C2orf80: variants seen among roughly 807,000 people sequenced by gnomAD.
C2orf80 encodes uncharacterized protein C2orf80.
In C2orf80, 28 loss-of-function variants were observed where a neutral mutation model predicts 30.2. The observed-to-expected ratio is 0.93, with a 90% CI of 0.69 to 1.27. The LOEUF (loss-of-function observed/expected upper bound fraction) is 1.27. Among genes scored for constraint, C2orf80 ranks in the 50% most tolerant of loss-of-function variants. The probability of loss-of-function intolerance (pLI) is 0.00; values close to 1 mark genes in which losing one functional copy is unlikely to be tolerated. For missense variants in C2orf80, 220 were observed against 231.0 expected (o/e 0.95, Z 0.31); for synonymous variants, 80 against 76.4 (o/e 1.05, Z -0.24).
chr2:208,173,722 A>G (rs985121408), intron 6 of C2orf80, among the ~76,000 whole-genome samples: 2 of 152,190 alleles, frequency 1.3e-5, no homozygotes, highest in Non-Finnish European at 2.9e-5. Context: ...AACTATAAAG[A>G]AGTAAAAGAT....
chr2:208,174,763 A>G (rs1260610524), intron 6 of C2orf80, among the ~76,000 whole-genome samples: 1 of 152,214 alleles, frequency 6.6e-6, no homozygotes, highest in Non-Finnish European at 1.5e-5. Context: ...ATGGACTCGA[A>G]TGATAGCCAG....
Position 208,183,066 on chromosome 2 carries a change from G to C in C2orf80, c.124-19C>G. On this transcript the variant is annotated intron_variant, in intron 3 of 8. Coordinates refer to ENST00000341287, the MANE Select transcript of C2orf80 (RefSeq NM_001099334.3). Reference sequence around the variant, plus strand: ...AGTGTGCCTGGGAGCAGGAAGCACAGAGAGCAAAGAAACAGGCTTAGACAT... The same window carrying C: ...AGTGTGCCTGGGAGCAGGAAGCACACAGAGCAAAGAAACAGGCTTAGACAT... 6.2e-7 allele frequency: 1 copy of C among 1,608,762 alleles called. No homozygotes were observed. Among genetic ancestry groups the C allele is most frequent in the Non-Finnish European group, 8.5e-7 (1 of 1,175,046 alleles).
In C2orf80 at chr2:208,180,787, T is replaced by A; in HGVS notation, c.324A>T (p.Lys108Asn). The A allele has an allele frequency of 6.2e-7, 1 of 1,613,692 alleles. No individual in the cohort carries two copies. Among genetic ancestry groups the A allele is most frequent in the South Asian group, 1.1e-5 (1 of 91,042 alleles). Residue 108 changes from lysine (K) to asparagine (N), a missense_variant, in exon 6 of 9, where the codon AAA (lysine) becomes AAT (asparagine). Physicochemically the swap from Lys to Asn is moderately conservative, Grantham distance 94. Coordinates refer to ENST00000341287, the MANE Select transcript of C2orf80 (RefSeq NM_001099334.3). ...MNSIPIEEVF[K>N]IYGADSSADS... The stretch of plus-strand genomic sequence containing the variant: ...CGGCAGAAGAATCAGCCCCATAAAT[T>A]TTAAAGACTTCCTCAATCGGGATAC...
At chr2:208,182,919 A>G in intron 4 of C2orf80, 46 bp downstream of exon 4, 3 of 1,433,186 alleles carry the variant, frequency 2.1e-6, no homozygotes, top group Non-Finnish European at 2.0e-6. Flanking sequence ...ATCATTAATC[A>G]TAGGCACAAA....
chr2:208,169,866 C>G (rs1696038528), intron 8 of C2orf80, among the ~76,000 whole-genome samples: 1 of 151,900 alleles, frequency 6.6e-6, no homozygotes, highest in African/African-American at 2.4e-5. Flanking sequence ...TTATTAAAAC[C>G]CTGATATGAC....
At chr2:208,176,941 C>CTATATACATA (rs1696341567) in intron 6 of C2orf80, among the ~76,000 whole-genome samples, 2 of 30,220 alleles carry the variant, frequency 6.6e-5, no homozygotes, top group Non-Finnish European at 1.1e-4. Flanking sequence ...GTATACATAT[C>CTATATACATA]TGTATACATA....
chr2:208,185,225 C>T (rs1696683767), intron 2 of C2orf80, among the ~76,000 whole-genome samples, 193 bp from the exon 3 acceptor site: 1 of 151,690 alleles, frequency 6.6e-6, no homozygotes, highest in Non-Finnish European at 1.5e-5. Flanking sequence ...AAATGTCTAA[C>T]CATAATTAAC....
intron 8 of C2orf80, among the ~76,000 whole-genome samples, chr2:208,169,958 C>T (rs923894916): frequency 6.6e-6 from 1 of 152,150 alleles, no homozygotes; most frequent in Non-Finnish European, 1.5e-5. Flanking sequence ...ACAGAGAAGA[C>T]AGTTTGCCTC....
chr2:208,184,223 C>T (rs1696648026), intron 3 of C2orf80, among the ~76,000 whole-genome samples: 1 of 152,192 alleles, frequency 6.6e-6, no homozygotes, highest in South Asian at 2.1e-4. Flanking sequence ...TCAAAACAGC[C>T]TTGTAATACG....
intron 6 of C2orf80, among the ~76,000 whole-genome samples, chr2:208,172,786 A>G (rs1456844224): frequency 6.6e-6 from 1 of 152,182 alleles, no homozygotes; most frequent in African/African-American, 2.4e-5. Flanking sequence ...TATACCATAC[A>G]GAAACTCTTT....
intron 8 of C2orf80, among the ~76,000 whole-genome samples, chr2:208,167,351 A>G (rs12992641): frequency 0.99 from 149,528 of 151,738 alleles, 73,697 homozygotes; most frequent in Middle Eastern, 1. Context: ...GTGAAACCTC[A>G]TCTTTACTAA....
chr2:208,178,794 G>C (rs1370968666), intron 6 of C2orf80, among the ~76,000 whole-genome samples: 2 of 152,042 alleles, frequency 1.3e-5, no homozygotes, highest in African/African-American at 4.8e-5. Context: ...TTCTGCTCTT[G>C]TTGTCCAGGC....
intron 6 of C2orf80, among the ~76,000 whole-genome samples, chr2:208,175,295 A>T (rs1446195404): frequency 2.1e-5 from 3 of 143,588 alleles, no homozygotes; most frequent in Non-Finnish European, 3.0e-5. Context: ...ACTCTGTCTT[A>T]AAAAAAAAAT....
chr2:208,170,773 G>GGCACAGAGAGTTTAAGTATCTTGCCT (rs1696072913), intron 8 of C2orf80, among the ~76,000 whole-genome samples, 172 bp downstream of exon 8: 1 of 152,132 alleles, frequency 6.6e-6, no homozygotes. Context: ...AGGAAACTAA[G>GGCACAGAGAGTTTAAGTATCTTGCCT]GCACAGAGAG....
At chr2:208,178,524 A>C (rs1037023479) in intron 6 of C2orf80, among the ~76,000 whole-genome samples, 1 of 152,182 alleles carries the variant, frequency 6.6e-6, no homozygotes, top group Admixed American at 6.5e-5. Flanking sequence ...CTTTCTTTGA[A>C]AACCAAGAAC....
intron 8 of C2orf80, chr2:208,168,334 G>T: frequency 3.2e-6 from 1 of 310,398 alleles, no homozygotes; most frequent in Non-Finnish European, 6.2e-6. Context: ...TTACTTATAA[G>T]TGTGTACACT....
At chr2:208,176,321 G>A (rs1318167460) in intron 6 of C2orf80, among the ~76,000 whole-genome samples, 1 of 152,100 alleles carries the variant, frequency 6.6e-6, no homozygotes, top group Admixed American at 6.6e-5. Context: ...GATTACAGGA[G>A]CCCACCACCA....
rs1559340396 is a variant in C2orf80 at position 208,176,938 on chromosome 2, T to TATATGTATACATATGTATACAG, written c.366+3806_366+3807insCTGTATACATATGTATACATAT. 2.7e-4 allele frequency among the ~76,000 whole-genome samples: 14 copies of TATATGTATACATATGTATACAG among 52,024 alleles called. 2 individuals carry two copies. The highest frequency in any genetic ancestry group is 9.0e-4 in the African/African-American group (12 of 13,402). The allele number at this position is 52,024 out of a possible 152,430, so 34.1% of individuals were successfully genotyped here. Reference sequence around the variant, plus strand: ...ACATATCTGTATACATATGTATACATATCTGTATACATATCTGTATACATA... The same window carrying TATATGTATACATATGTATACAG: ...ACATATCTGTATACATATGTATACATATATGTATACATATGTATACAGATCTGTATACATATCTGTATACATA... On this transcript the variant is annotated intron_variant, in intron 6 of 8. Coordinates refer to ENST00000341287, the MANE Select transcript of C2orf80 (RefSeq NM_001099334.3).
At chr2:208,176,835 C>T (rs1696314052) in intron 6 of C2orf80, among the ~76,000 whole-genome samples, 1 of 78,048 alleles carries the variant, frequency 1.3e-5, no homozygotes, top group African/African-American at 4.3e-5. Context: ...ACACAACCTG[C>T]CTCTCAGATA....
Sources: allele counts gnomAD v4.1 joint callset (sites outside exome capture counted in the v4.1 genomes callset), GRCh38; gene constraint gnomAD v4.1.1; transcripts MANE v1.5; gene names NCBI Gene and HGNC (gene_info 2026-07-23, HGNC 2026-07-21).